The following NUP50 variants were observed in gnomAD, a reference collection of about 807,000 sequenced individuals.
The protein encoded by NUP50 is nucleoporin 50.
A neutral mutation model predicts 36.8 loss-of-function variants in NUP50; 14 were observed. The observed-to-expected ratio is 0.38, with a 90% CI of 0.25 to 0.59. The LOEUF is 0.59. Among genes scored for constraint, NUP50 ranks in the 20% least tolerant of loss-of-function variants. The pLI is 0.63. For synonymous variants in NUP50, 195 were observed against 210.8 expected (o/e 0.93, Z 0.65); for missense variants, 455 against 564.6 (o/e 0.81, Z 1.97).
rs200993816 is a variant in NUP50 at position 45,181,379 on chromosome 22, C to G, written c.1085+12C>G. The G allele has an allele frequency of 1.3e-6, 2 of 1,557,540 alleles. No individual in the cohort carries two copies. Among genetic ancestry groups the G allele is most frequent in the Non-Finnish European group, 1.7e-6 (2 of 1,150,310 alleles). Reference sequence around the variant, plus strand: ...TTTTACTCCAAAAAGTAAGAATCCCCACAACCTGCTGGCGCATGTGTTTTG... The same window carrying G: ...TTTTACTCCAAAAAGTAAGAATCCCGACAACCTGCTGGCGCATGTGTTTTG... On this transcript the variant is annotated intron_variant, in intron 6 of 7. Coordinates refer to ENST00000347635, the MANE Select transcript of NUP50 (RefSeq NM_007172.4).
At chr22:45,166,316 C>G (rs2074094793) in intron 1 of NUP50, 1 of 121,564 alleles carries the variant, frequency 8.2e-6, no homozygotes, top group Non-Finnish European at 1.6e-5. Context: ...GAGATGGAGT[C>G]TTGCTCTGTC....
In NUP50 at chr22:45,181,352, C is replaced by T; in HGVS notation, c.1070C>T (p.Ala357Val). 6.3e-7 allele frequency: 1 copy of T among 1,583,114 alleles called. No individual in the cohort carries two copies. Among genetic ancestry groups the T allele is most frequent in the Non-Finnish European group, 8.5e-7 (1 of 1,170,618 alleles). Residue 357 changes from alanine to valine, a missense_variant, in exon 6 of 8, where the codon GCT becomes GTT. Ala to Val is a moderately conservative substitution (Grantham distance 64). Coordinates refer to ENST00000347635, the MANE Select transcript of NUP50 (RefSeq NM_007172.4). The stretch of plus-strand genomic sequence containing the variant: ...GTTACCGAAGTAAAAGAAGAAGATG[C>T]TTTTTACTCCAAAAAGTAAGAATCC... ...VVVTEVKEED[A>V]FYSKKCKLFY...
chr22:45,170,945 G>A (rs1024755885), intron 2 of NUP50: 5 of 1,293,354 alleles, frequency 3.9e-6, no homozygotes, highest in Non-Finnish European at 5.1e-6. Flanking sequence ...ACAACTATAG[G>A]TGAGAATTTT....
chr22:45,173,458 G>T (rs1014517521), intron 3 of NUP50, among the ~76,000 whole-genome samples: 3 of 151,968 alleles, frequency 2.0e-5, no homozygotes, highest in African/African-American at 7.3e-5. Context: ...AGATACATGG[G>T]GGGAGGGACA....
chr22:45,179,126 A>G, intron 5 of NUP50: 1 of 428,368 alleles, frequency 2.3e-6, no homozygotes, highest in South Asian at 6.0e-5. Flanking sequence ...AATAAAATGA[A>G]TTTGAAAACA....
At position 45,187,429 on chromosome 22, in the gene NUP50, AAAAG is replaced by A. The variant is rs1238492838; in HGVS notation, c.*2776_*2779del. 4.1e-4 allele frequency: 62 copies of A among 152,452 alleles called. No individual in the cohort carries two copies. Among genetic ancestry groups the A allele is most frequent in the African/African-American group, 1.4e-3 (57 of 41,516 alleles). The allele number at this position is 152,452 out of a possible 1,614,324, so 9.4% of individuals were successfully genotyped here. ...TATATGCTGCATGCCAAAAAAAAAA[AAAAG>A]AGAAAACTGCCTTTTCTGGTGTGGA... On this transcript the variant is annotated 3_prime_UTR_variant, in exon 8 of 8. Coordinates refer to ENST00000347635, the MANE Select transcript of NUP50 (RefSeq NM_007172.4).
intron 3 of NUP50, among the ~76,000 whole-genome samples, chr22:45,172,648 G>A (rs527839281): frequency 8.6e-5 from 13 of 152,026 alleles, no homozygotes; most frequent in Non-Finnish European, 1.3e-4. Flanking sequence ...CACACTTTGA[G>A]AAGCAATGAA....
chr22:45,180,520 C>T (rs2238801), intron 5 of NUP50, among the ~76,000 whole-genome samples: 68,553 of 151,982 alleles, frequency 0.45, 16,054 homozygotes, highest in Middle Eastern at 0.52. Context: ...TCCACAGGCA[C>T]GTACCGCCAC....
At chr22:45,173,339 T>G (rs913742731) in intron 3 of NUP50, among the ~76,000 whole-genome samples, 12 of 84,974 alleles carry the variant, frequency 1.4e-4, no homozygotes, top group Non-Finnish European at 2.6e-4. Flanking sequence ...ACTTCAGGTG[T>G]TTTTTTTTTT....
chr22:45,163,991 G>A lies in NUP50; in HGVS notation c.-316G>A, dbSNP rs921519758. 6.6e-6 allele frequency: 1 copy of A among 152,204 alleles called. No homozygotes were observed. The highest frequency in any genetic ancestry group is 1.5e-5 in the Non-Finnish European group (1 of 68,034). The allele number at this position is 152,204 out of a possible 1,614,324, so 9.4% of individuals were successfully genotyped here. A position where few individuals can be genotyped will look rare whatever the true frequency, so the allele number is the denominator to read the frequency against. On this transcript the variant is annotated 5_prime_UTR_variant, in exon 1 of 8. Transcript: ENST00000347635. ...CCTCCCTTTTTTTCGAATTGGTTTT[G>A]GGGGTAGATTCGAGTTACAAAATGG...
At chr22:45,165,033 G>A (rs994930472) in intron 1 of NUP50, 4 of 152,150 alleles carry the variant, frequency 2.6e-5, no homozygotes, top group Non-Finnish European at 4.4e-5. Flanking sequence ...AGCCAAATCT[G>A]TGTTTTCGTT....
chr22:45,176,086 T>C lies in NUP50; in HGVS notation c.340+6T>C. 6.2e-7 allele frequency: 1 copy of C among 1,612,136 alleles called. No homozygotes were observed. Among genetic ancestry groups the C allele is most frequent in the Non-Finnish European group, 8.5e-7 (1 of 1,178,578 alleles). ...AGATCCCAAGGTAGCCTTTGGTAAG[T>C]AGCTCCCATCCCCCAGCCGCCTGTG... On this transcript the variant is annotated splice_donor_region_variant and intron_variant, in intron 4 of 7. Coordinates refer to ENST00000347635, the MANE Select transcript of NUP50 (RefSeq NM_007172.4).
intron 3 of NUP50, among the ~76,000 whole-genome samples, chr22:45,174,363 CA>C (rs1351743212): frequency 6.6e-6 from 1 of 151,954 alleles, no homozygotes; most frequent in African/African-American, 2.4e-5. Flanking sequence ...TTTTTGTAGA[CA>C]GGGGGTCTCA....
At position 45,178,482 on chromosome 22, in the gene NUP50, A is replaced by C. The variant is rs138356566; in HGVS notation, c.585A>C (p.Ala195=). ...TTAAAGACTATGAGAAATATTTAGC[A>C]AACATTGAACAGCAACACGGGAACA... ...PIFKDYEKYL[A]NIEQQHGNSG... is the part of the protein sequence containing the mutation. Residue 195 remains alanine (A), a synonymous_variant, in exon 5 of 8, where the codon GCA becomes GCC. Coordinates refer to ENST00000347635, the MANE Select transcript of NUP50 (RefSeq NM_007172.4). 259 of 1,612,708 alleles carry C rather than the reference A, an allele frequency of 1.6e-4. No homozygotes were observed. In the African/African-American group the frequency reaches 3.1e-3, roughly 20 times the overall value.
At chr22:45,165,747 CT>C (rs1242962334) in intron 1 of NUP50, 2 of 152,204 alleles carry the variant, frequency 1.3e-5, no homozygotes, top group African/African-American at 4.8e-5. Flanking sequence ...AGTTTATAGC[CT>C]TTGCTTCTAA....
chr22:45,170,100 AG>A (rs1289167268), intron 2 of NUP50, among the ~76,000 whole-genome samples: 2 of 152,196 alleles, frequency 1.3e-5, no homozygotes, highest in Admixed American at 1.3e-4. Flanking sequence ...CTAAAAGGGA[AG>A]GGCCCCTGTC....
Position 45,187,346 on chromosome 22 carries a change from C to T in NUP50, c.*2691C>T, listed in dbSNP as rs1412660148. 6.8e-6 allele frequency: 1 copy of T among 147,886 alleles called. No homozygotes were observed. The highest frequency in any genetic ancestry group is 2.5e-5 in the African/African-American group (1 of 39,864). The allele number at this position is 147,886 out of a possible 1,614,324, so 9.2% of individuals were successfully genotyped here. A position where few individuals can be genotyped will look rare whatever the true frequency, so the allele number is the denominator to read the frequency against. ...AAGGACAAGTCTGACTGTTCATAGGCTGATTTTCTTTAAGAGGATTATTCT... is the reference window on the plus strand; with the variant it reads ...AAGGACAAGTCTGACTGTTCATAGGTTGATTTTCTTTAAGAGGATTATTCT... On this transcript the variant is annotated 3_prime_UTR_variant, in exon 8 of 8. Coordinates refer to ENST00000347635, the MANE Select transcript of NUP50 (RefSeq NM_007172.4).
At chr22:45,184,383 C>G in intron 7 of NUP50, 70 bp from the exon 8 acceptor site, 1 of 1,327,206 alleles carries the variant, frequency 7.5e-7, no homozygotes, top group Non-Finnish European at 1.1e-6. Context: ...TAATGTTTAG[C>G]ATATTACAGA....
At chr22:45,180,857 T>G (rs2074357680) in intron 5 of NUP50, among the ~76,000 whole-genome samples, 1 of 149,554 alleles carries the variant, frequency 6.7e-6, no homozygotes, top group Non-Finnish European at 1.5e-5. Context: ...AAAAAAAAAG[T>G]ATTTTTCTAT....
Sources: gnomAD v4.1 joint callset for allele counts (sites outside exome capture counted in the v4.1 genomes callset) on GRCh38, gnomAD v4.1.1 for gene constraint, MANE v1.5 for transcripts, NCBI Gene and HGNC (gene_info 2026-07-23, HGNC 2026-07-21) for gene names.